UNC5D: variants seen among roughly 807,000 people sequenced by gnomAD.
The protein encoded by UNC5D is netrin receptor UNC5D.
UNC5D carries 39 observed loss-of-function variants against 105.4 expected under a neutral mutation model. The ratio of observed to expected loss-of-function variants is 0.37; its 90% CI spans 0.29 to 0.48. The LOEUF is 0.48. UNC5D is among the 20% of genes least tolerant of loss of function. UNC5D has a pLI of 0.98. For missense variants in UNC5D, 991 were observed against 1,202.4 expected (o/e 0.82, Z 2.60); for synonymous variants, 452 against 450.4 (o/e 1.00, Z -0.04).
intron 1 of UNC5D, chr8:35,525,479 C>G: frequency 1.2e-6 from 2 of 1,612,244 alleles, no homozygotes; most frequent in Non-Finnish European, 8.5e-7. Context: ...GCTTCTCCTC[C>G]TTCTCTGTCC....
chr8:35,729,233 C>T (rs908399846), intron 10 of UNC5D, among the ~76,000 whole-genome samples: 1 of 152,182 alleles, frequency 6.6e-6, no homozygotes, highest in African/African-American at 2.4e-5. Flanking sequence ...GCAGACAGCT[C>T]TTTCTCAATT....
At chr8:35,363,785 T>C (rs1348831044) in intron 1 of UNC5D, among the ~76,000 whole-genome samples, 1 of 152,178 alleles carries the variant, frequency 6.6e-6, no homozygotes, top group Non-Finnish European at 1.5e-5. Context: ...ACACATAAAA[T>C]ATTGGTTCTC....
intron 7 of UNC5D, among the ~76,000 whole-genome samples, chr8:35,700,138 C>T (rs1268133116): frequency 6.6e-6 from 1 of 152,216 alleles, no homozygotes; most frequent in African/African-American, 2.4e-5. Context: ...CTGCCAGGCC[C>T]TGGGAATTCC....
At chr8:35,605,988 A>T (rs964405525) in intron 4 of UNC5D, among the ~76,000 whole-genome samples, 20 of 150,466 alleles carry the variant, frequency 1.3e-4, no homozygotes, top group African/African-American at 4.2e-4. Flanking sequence ...TTTTTTATTT[A>T]TTTTTTATTT....
At chr8:35,448,316 G>T (rs777661081) in intron 1 of UNC5D, among the ~76,000 whole-genome samples, 2 of 152,006 alleles carry the variant, frequency 1.3e-5, no homozygotes, top group Non-Finnish European at 2.9e-5. Context: ...TTGAGGAAAG[G>T]AGTTAAATGA....
At chr8:35,279,310 C>T (rs931911734) in intron 1 of UNC5D, among the ~76,000 whole-genome samples, 2 of 152,204 alleles carry the variant, frequency 1.3e-5, no homozygotes, top group Non-Finnish European at 2.9e-5. Flanking sequence ...ATATTTGGTA[C>T]TTCACTCAGT....
chr8:35,765,293 A>G (rs541254199), intron 14 of UNC5D, among the ~76,000 whole-genome samples: 1 of 152,306 alleles, frequency 6.6e-6, no homozygotes, highest in East Asian at 1.9e-4. Flanking sequence ...CCCCTTCCGC[A>G]TGGGGAAGAA....
At chr8:35,360,733 G>T (rs966283503) in intron 1 of UNC5D, among the ~76,000 whole-genome samples, 1 of 152,114 alleles carries the variant, frequency 6.6e-6, no homozygotes, top group Non-Finnish European at 1.5e-5. Context: ...AACTATATGG[G>T]CATGGTGGCA....
rs1210806505 is a variant in UNC5D, at chr8:35,494,257, T to G, written c.104-55035T>G. 3.9e-5 allele frequency among the ~76,000 whole-genome samples: 6 copies of G among 152,310 alleles called. No individual in the cohort carries two copies. The East Asian group carries it at 1.2e-3, about 29-fold the overall frequency. On this transcript the variant is annotated intron_variant, in intron 1 of 16. Transcript: ENST00000404895. ...AAAGTATCTGATTAAGTATTTGGTGTCTCTTCAGAAATGCTCCTTAGACTT... is the reference window on the plus strand; with the variant it reads ...AAAGTATCTGATTAAGTATTTGGTGGCTCTTCAGAAATGCTCCTTAGACTT...
At chr8:35,530,810 C>G (rs1189392266) in intron 1 of UNC5D, among the ~76,000 whole-genome samples, 1 of 145,602 alleles carries the variant, frequency 6.9e-6, no homozygotes, top group Non-Finnish European at 1.5e-5. Flanking sequence ...TCCATTTCTT[C>G]TAGATTTTCT....
Position 35,734,710 on chromosome 8 carries a change from G to C in UNC5D, c.1766+3614G>C, listed in dbSNP as rs538662241. On this transcript the variant is annotated intron_variant, in intron 11 of 16. Transcript: ENST00000404895. ...TAGGTGTGAGCCACCACGCCCAGCT[G>C]GGGTATTTCTTTTTTTACATTTTAT... Among the ~76,000 whole-genome samples, 22 of 151,856 alleles carry C rather than the reference G, an allele frequency of 1.4e-4. No individual in the cohort carries two copies. In the South Asian group the frequency reaches 4.4e-3, roughly 30 times the overall value.
rs191075161 is a variant in UNC5D, at chr8:35,351,226, T to C, written c.103+115339T>C. Among the ~76,000 whole-genome samples the C allele has an allele frequency of 3.5e-3, 537 of 152,078 alleles. 3 individuals carry two copies. Among genetic ancestry groups the C allele is most frequent in the African/African-American group, 0.013 (525 of 41,500 alleles). On this transcript the variant is annotated intron_variant, in intron 1 of 16. Coordinates refer to ENST00000404895, the MANE Select transcript of UNC5D (RefSeq NM_080872.4). ...CACAGCCTTGAGACTCACTTTTTTT[T>C]CCCCCAAAATACCATTGAAAATCCT... is the stretch of plus-strand genomic sequence containing the variant.
intron 1 of UNC5D, among the ~76,000 whole-genome samples, chr8:35,506,164 A>G (rs900715630): frequency 6.6e-6 from 1 of 152,204 alleles, no homozygotes; most frequent in Non-Finnish European, 1.5e-5. Flanking sequence ...TTTGATCTTA[A>G]TATTCGGTGA....
chr8:35,348,237 T>TTA (rs1194373311), intron 1 of UNC5D, among the ~76,000 whole-genome samples: 2 of 151,796 alleles, frequency 1.3e-5, no homozygotes, highest in South Asian at 2.1e-4. Flanking sequence ...CCAAAAAAAA[T>TTA]TATATATATA....
chr8:35,729,492 A>T (rs1586546014), intron 10 of UNC5D, among the ~76,000 whole-genome samples: 1 of 152,216 alleles, frequency 6.6e-6, no homozygotes, highest in East Asian at 1.9e-4. Context: ...AAAAATACAG[A>T]CTGCATGTCT....
At chr8:35,488,968 C>T (rs1471414628) in intron 1 of UNC5D, among the ~76,000 whole-genome samples, 4 of 151,018 alleles carry the variant, frequency 2.6e-5, no homozygotes, top group African/African-American at 4.9e-5. Context: ...GGGGGCGGGC[C>T]GTATAAGGCA....
intron 9 of UNC5D, among the ~76,000 whole-genome samples, chr8:35,723,804 T>C (rs1828716889): frequency 1.3e-5 from 2 of 152,150 alleles, no homozygotes; most frequent in Admixed American, 1.3e-4. Flanking sequence ...ACAGATGAGC[T>C]GTATTAGTGT....
intron 4 of UNC5D, among the ~76,000 whole-genome samples, chr8:35,615,035 G>GCA (rs1394702258): frequency 1.9e-5 from 1 of 53,820 alleles, no homozygotes; most frequent in Admixed American, 2.0e-4. Context: ...CATAGTGAGG[G>GCA]GCCCCCCCCC....
intron 1 of UNC5D, among the ~76,000 whole-genome samples, chr8:35,362,325 G>T (rs1801899831): frequency 6.6e-6 from 1 of 152,098 alleles, no homozygotes; most frequent in Non-Finnish European, 1.5e-5. Flanking sequence ...TTTTGCAAAT[G>T]CACTTCCTTA....
Sources: allele counts gnomAD v4.1 joint callset (sites outside exome capture counted in the v4.1 genomes callset), GRCh38; gene constraint gnomAD v4.1.1; transcripts MANE v1.5; gene names NCBI Gene and HGNC (gene_info 2026-07-23, HGNC 2026-07-21).